SEZ6: variants seen among roughly 807,000 people sequenced by gnomAD.
The protein encoded by SEZ6 is seizure related 6 homolog.
In SEZ6, 53 loss-of-function variants were observed where a neutral mutation model predicts 101.0. That is an observed-to-expected ratio of 0.52 (90% CI 0.42 to 0.66). The LOEUF (loss-of-function observed/expected upper bound fraction) is 0.66. SEZ6 is among the 30% of genes least tolerant of loss of function. The pLI is 0.00. For missense variants in SEZ6, 1,102 were observed against 1,289.4 expected (o/e 0.85, Z 2.23); for synonymous variants, 488 against 512.2 (o/e 0.95, Z 0.64).
In SEZ6 at chr17:28,981,827, G is replaced by T; in HGVS notation, c.268C>A (p.Pro90Thr). The T allele has an allele frequency of 6.2e-7, 1 of 1,613,934 alleles. No individual in the cohort carries two copies. Among genetic ancestry groups the T allele is most frequent in the Non-Finnish European group, 8.5e-7 (1 of 1,179,858 alleles). Residue 90 changes from proline (P) to threonine (T), a missense_variant, in exon 2 of 17, where the codon CCA (proline) becomes ACA (threonine). Physicochemically the swap from Pro to Thr is conservative, Grantham distance 38. This residue lies in a region of SEZ6 where 406 missense variants were observed against 418.6 expected (regional missense o/e 0.97). Coordinates refer to ENST00000317338, the MANE Select transcript of SEZ6 (RefSeq NM_178860.5). The part of the protein sequence containing the change: ...GLEKGDEELR[P>T]ALPFQPDPPA... ...GGGTCAGGCTGGAAGGGCAGTGCTGGCCTCAGCTCCTCATCTCCCTTTTCC... is the reference window on the plus strand; with the variant it reads ...GGGTCAGGCTGGAAGGGCAGTGCTGTCCTCAGCTCCTCATCTCCCTTTTCC...
In SEZ6 at chr17:28,957,050, C is replaced by T. The variant is rs749068507; in HGVS notation, c.2687G>A (p.Arg896Lys). ...SHWSDPPPIC[R>K]AASLDGFYNS... ...AGGGGTGACAGGGCACTCACCAGCCCTACAGATGGGTGGGGGGTCACTCCA... is the reference window on the plus strand; with the variant it reads ...AGGGGTGACAGGGCACTCACCAGCCTTACAGATGGGTGGGGGGTCACTCCA... The change falls in exon 13 of 17, where the codon AGG becomes AAG. Residue 896 changes from arginine to lysine, a missense_variant. Physicochemically the swap from Arg to Lys is conservative, Grantham distance 26. This residue lies in a region of SEZ6 where 140 missense variants were observed against 135.7 expected (regional missense o/e 1.03). Transcript: ENST00000317338. 6.3e-7 allele frequency: 1 copy of T among 1,591,298 alleles called. No individual in the cohort carries two copies. Among genetic ancestry groups the T allele is most frequent in the Admixed American group, 1.7e-5 (1 of 58,570 alleles).
Position 28,986,404 on chromosome 17 carries a change from A to C in SEZ6, c.56-4365T>G, listed in dbSNP as rs538938921. Among the ~76,000 whole-genome samples the C allele has an allele frequency of 6.8e-3, 1,036 of 152,162 alleles. 10 individuals carry two copies. Among genetic ancestry groups the C allele is most frequent in the Non-Finnish European group, 0.012 (815 of 67,952 alleles). ...CGGAGGCCACCTGCGCCCCAGCCCCACCAGATCTGGATCGGGATGGGGGGC... is the reference window on the plus strand; with the variant it reads ...CGGAGGCCACCTGCGCCCCAGCCCCCCCAGATCTGGATCGGGATGGGGGGC... On this transcript the variant is annotated intron_variant, in intron 1 of 16. Transcript: ENST00000317338.
rs925205933 is a variant in SEZ6, at chr17:28,964,023, C to T, written c.1179G>A (p.Arg393=). The T allele has an allele frequency of 6.2e-7, 1 of 1,611,760 alleles. No individual in the cohort carries two copies. Among genetic ancestry groups the T allele is most frequent in the African/African-American group, 1.3e-5 (1 of 74,866 alleles). ...CATGYQLKGA[R]HLTCLNATQP... is the part of the protein sequence containing the mutation. ...GGGTGGCATTGAGACAGGTGAGATG[C>T]CTGGCGCCCTTCAGCTGGTAGCCAG... The change falls in exon 5 of 17, where the codon AGG becomes AGA. Residue 393 remains arginine (R), a synonymous_variant. Coordinates refer to ENST00000317338, the MANE Select transcript of SEZ6 (RefSeq NM_178860.5).
intron 1 of SEZ6, among the ~76,000 whole-genome samples, chr17:29,000,236 C>T (rs376861332): frequency 2.6e-5 from 4 of 152,164 alleles, no homozygotes; most frequent in South Asian, 4.1e-4. Flanking sequence ...TCCCCTATGC[C>T]GGGAAAGTGG....
Position 28,959,865 on chromosome 17 carries a change from G to A in SEZ6, c.1604C>T (p.Pro535Leu). ...EAFQQGHCYE[P>L]FVKYGNFSSS... Reference sequence around the variant, plus strand: ...GCTGAAGTTACCGTATTTGACAAAGGGCTCATAGCAATGGCCCTGCTGGAA... The same window carrying A: ...GCTGAAGTTACCGTATTTGACAAAGAGCTCATAGCAATGGCCCTGCTGGAA... The change falls in exon 8 of 17, where the codon CCC becomes CTC. Residue 535 changes from proline (P) to leucine (L), a missense_variant. By Grantham distance (98) the Pro-to-Leu change is moderately conservative. Transcript: ENST00000317338. This position sits in a 1 kb window ranked among gnomAD's most constrained non-coding sequence, Gnocchi z 4.4. 2 of 1,612,506 alleles carry A rather than the reference G, an allele frequency of 1.2e-6. No individual in the cohort carries two copies. Among genetic ancestry groups the A allele is most frequent in the African/African-American group, 1.3e-5 (1 of 74,988 alleles).
chr17:28,975,979 G>A (rs1297697079), intron 3 of SEZ6, among the ~76,000 whole-genome samples: 1 of 152,240 alleles, frequency 6.6e-6, no homozygotes, highest in Non-Finnish European at 1.5e-5. Flanking sequence ...ACTGCCTGGG[G>A]AGGGGCTGGG....
At chr17:28,975,521 TG>T (rs2041209496) in intron 3 of SEZ6, among the ~76,000 whole-genome samples, 1 of 152,178 alleles carries the variant, frequency 6.6e-6, no homozygotes. Context: ...CCTTCTGAAT[TG>T]GCACTTATCC....
At chr17:29,002,826 C>T (rs114145188) in intron 1 of SEZ6, among the ~76,000 whole-genome samples, 72 of 152,284 alleles carry the variant, frequency 4.7e-4, no homozygotes, top group African/African-American at 1.7e-3. Context: ...GTTTGTTAAC[C>T]CTTGCAGCAC....
intron 1 of SEZ6, among the ~76,000 whole-genome samples, chr17:28,996,254 C>T (rs1481464577): frequency 2.6e-5 from 4 of 151,964 alleles, no homozygotes; most frequent in Admixed American, 6.5e-5. Context: ...AGGGACTTGG[C>T]GAGGTTGTAG....
At chr17:28,984,830 G>C (rs1005629096) in intron 1 of SEZ6, among the ~76,000 whole-genome samples, 6 of 152,216 alleles carry the variant, frequency 3.9e-5, no homozygotes, top group Admixed American at 3.9e-4. Flanking sequence ...GTGGATAGGG[G>C]CTTCTCTCTG....
Position 28,995,086 on chromosome 17 carries a change from G to A in SEZ6, c.55+10729C>T, listed in dbSNP as rs982445887. 3.2e-4 allele frequency among the ~76,000 whole-genome samples: 48 copies of A among 151,752 alleles called. 1 individual carries two copies. The Middle Eastern group carries it at 0.01, about 32-fold the overall frequency. Reference sequence around the variant, plus strand: ...GACGGGGTTTCACCGTGTTAGCCAGGATGGTCTCGATCTCCTGACCTCGTG... The same window carrying A: ...GACGGGGTTTCACCGTGTTAGCCAGAATGGTCTCGATCTCCTGACCTCGTG... On this transcript the variant is annotated intron_variant, in intron 1 of 16. Transcript: ENST00000317338.
At chr17:28,997,180 A>C (rs1363793504) in intron 1 of SEZ6, among the ~76,000 whole-genome samples, 1 of 152,094 alleles carries the variant, frequency 6.6e-6, no homozygotes, top group East Asian at 1.9e-4. Flanking sequence ...AAGGGGGCCA[A>C]GGGGATCTAG....
At chr17:28,970,808 C>A (rs953444889) in intron 3 of SEZ6, among the ~76,000 whole-genome samples, 4 of 152,232 alleles carry the variant, frequency 2.6e-5, no homozygotes, top group African/African-American at 7.2e-5. Context: ...GTCTGTGAAG[C>A]CGATAATATG....
In SEZ6 at chr17:28,956,270, C is replaced by T; in HGVS notation, c.2850-9G>A. The T allele has an allele frequency of 6.3e-7, 1 of 1,595,448 alleles. No individual in the cohort carries two copies. The highest frequency in any genetic ancestry group is 1.3e-5 in the African/African-American group (1 of 74,794). On this transcript the variant is annotated splice_polypyrimidine_tract_variant and intron_variant, in intron 15 of 16. Transcript: ENST00000317338. The stretch of plus-strand genomic sequence containing the variant: ...AGCTTTTTCCCTGGAGCCTGTGGGG[C>T]AGAGAAGCCTGCAAGTCAGGAGCAC...
At chr17:28,957,017 G>A (rs1306423512) in intron 13 of SEZ6, 28 bp downstream of exon 13, 2 of 1,545,960 alleles carry the variant, frequency 1.3e-6, no homozygotes, top group South Asian at 2.5e-5. Flanking sequence ...GGGCCAGGGA[G>A]GGTTTTGAGG....
intron 4 of SEZ6, among the ~76,000 whole-genome samples, chr17:28,965,244 C>T (rs56939878): frequency 4.2e-4 from 56 of 134,696 alleles, no homozygotes; most frequent in Non-Finnish European, 6.9e-4. Context: ...CCCAGCTACT[C>T]GGGAGGCTGA....
chr17:28,982,026 C>T lies in SEZ6; in HGVS notation c.69G>A (p.Glu23=). The T allele has an allele frequency of 3.1e-6, 5 of 1,595,806 alleles. No homozygotes were observed. The highest frequency in any genetic ancestry group is 4.3e-6 in the Non-Finnish European group (5 of 1,170,762). Reference sequence around the variant, plus strand: ...CTTGTCCTTTCCCCACGGTTGGGGCCTCTAAAGAGAGTCCTGAAATAATAA... The same window carrying T: ...CTTGTCCTTTCCCCACGGTTGGGGCTTCTAAAGAGAGTCCTGAAATAATAA... ...LALLAHGLSL[E]APTVGKGQAP... The change falls in exon 2 of 17, where the codon GAG becomes GAA. Residue 23 remains glutamate, a synonymous_variant. Coordinates refer to ENST00000317338, the MANE Select transcript of SEZ6 (RefSeq NM_178860.5).
chr17:28,959,287 T>G lies in SEZ6; in HGVS notation c.1910+47A>C. ...CCGAGGATGGGCTGGACAAGGGATA[T>G]CCCCAGACCTCAGGAGTTGGCTCGG... On this transcript the variant is annotated intron_variant, in intron 9 of 16. Transcript: ENST00000317338. This position sits in a 1 kb window ranked among gnomAD's most constrained non-coding sequence, Gnocchi z 4.4. 1 of 1,613,746 alleles carries G rather than the reference T, an allele frequency of 6.2e-7. No individual in the cohort carries two copies. The highest frequency in any genetic ancestry group is 8.5e-7 in the Non-Finnish European group (1 of 1,179,812).
intron 1 of SEZ6, among the ~76,000 whole-genome samples, chr17:28,992,904 C>T (rs2041485158): frequency 1.3e-5 from 2 of 152,208 alleles, no homozygotes; most frequent in Non-Finnish European, 2.9e-5. Context: ...CTGCTGCACT[C>T]TACACCGTCC....
Sources: gnomAD v4.1 joint callset for allele counts (sites outside exome capture counted in the v4.1 genomes callset) on GRCh38, gnomAD v4.1.1 for gene constraint, gnomAD v4.1.1 regional missense constraint, Gnocchi (gnomAD v3.1) non-coding constraint, MANE v1.5 for transcripts, NCBI Gene and HGNC (gene_info 2026-07-23, HGNC 2026-07-21) for gene names.